The following EFR3A variants were observed in gnomAD, a reference collection of about 807,000 sequenced individuals.
The protein encoded by EFR3A is protein EFR3 homolog A.
Under a neutral mutation model 104.4 loss-of-function variants are expected in EFR3A, and 76 were observed. The ratio of observed to expected loss-of-function variants is 0.73; its 90% CI spans 0.60 to 0.88. EFR3A has a LOEUF of 0.88. EFR3A is among the 40% of genes least tolerant of loss of function. The pLI, the probability that EFR3A is intolerant of heterozygous loss-of-function variation, is 0.00. For missense variants in EFR3A, 985 were observed against 1,012.5 expected, an observed-to-expected ratio of 0.97 and a Z score of 0.37; for synonymous variants, 330 against 330.0, an observed-to-expected ratio of 1.00 and a Z score of 0.00.
At chr8:131,964,658 T>C (rs376958456) in intron 8 of EFR3A, among the ~76,000 whole-genome samples, 8 of 152,274 alleles carry the variant, frequency 5.3e-5, no homozygotes, top group African/African-American at 1.7e-4. Flanking sequence ...AGGTAATTTA[T>C]AGATTCAATG....
chr8:131,910,134 G>A (rs1020480582), intron 1 of EFR3A, among the ~76,000 whole-genome samples: 11 of 152,200 alleles, frequency 7.2e-5, no homozygotes, highest in Non-Finnish European at 1.2e-4. Flanking sequence ...ATAGTTCCAA[G>A]CATCTCCCAG....
At chr8:131,926,572 C>T (rs1164063546) in intron 1 of EFR3A, among the ~76,000 whole-genome samples, 1 of 151,982 alleles carries the variant, frequency 6.6e-6, no homozygotes, top group Non-Finnish European at 1.5e-5. Flanking sequence ...AACTTATTTA[C>T]TTTATAGCTC....
chr8:131,985,573 C>T (rs1820830725), intron 16 of EFR3A, among the ~76,000 whole-genome samples: 1 of 152,120 alleles, frequency 6.6e-6, no homozygotes, highest in African/African-American at 2.4e-5. Flanking sequence ...AGAAAAAGTC[C>T]ACTTTTAAAG....
In EFR3A at chr8:131,920,954, A is replaced by G. The variant is rs556101699; in HGVS notation, c.10+16632A>G. 3.9e-5 allele frequency among the ~76,000 whole-genome samples: 6 copies of G among 152,328 alleles called. No homozygotes were observed. The East Asian group carries it at 1.2e-3, about 29-fold the overall frequency. ...AAATACATTTTGAAAGAATCAGACTAGTAGATGAGGGATAGATAGGAGCAG... is the reference window on the plus strand; with the variant it reads ...AAATACATTTTGAAAGAATCAGACTGGTAGATGAGGGATAGATAGGAGCAG... On this transcript the variant is annotated intron_variant, in intron 1 of 22. Transcript: ENST00000254624.
At chr8:131,995,604 T>G (rs550215004) in intron 18 of EFR3A, among the ~76,000 whole-genome samples, 1 of 152,328 alleles carries the variant, frequency 6.6e-6, no homozygotes, top group South Asian at 2.1e-4. Context: ...GGGCTAGGAA[T>G]AGCTTTTGAA....
chr8:131,927,143 G>A (rs1563631561), intron 1 of EFR3A, among the ~76,000 whole-genome samples: 1 of 152,154 alleles, frequency 6.6e-6, no homozygotes, highest in Non-Finnish European at 1.5e-5. Context: ...AACCCAAATG[G>A]TAATGGTTGT....
At chr8:131,933,230 G>T (rs926714432) in intron 1 of EFR3A, among the ~76,000 whole-genome samples, 1 of 152,028 alleles carries the variant, frequency 6.6e-6, no homozygotes, top group African/African-American at 2.4e-5. Flanking sequence ...TGGGACACCG[G>T]GGCGGTATAG....
chr8:131,966,069 G>A (rs1385383410), intron 8 of EFR3A, among the ~76,000 whole-genome samples: 1 of 152,120 alleles, frequency 6.6e-6, no homozygotes, highest in Non-Finnish European at 1.5e-5. Flanking sequence ...TGTGGGGTGG[G>A]GTGAGGGGGA....
intron 3 of EFR3A, 44 bp downstream of exon 3, chr8:131,944,916 C>A: frequency 6.3e-7 from 1 of 1,584,196 alleles, no homozygotes; most frequent in Non-Finnish European, 8.6e-7. Context: ...TTGGAAAATT[C>A]TTTCTAGACT....
rs1223547077 is a variant in EFR3A, at chr8:131,985,052, G to A, written c.1861G>A (p.Val621Ile). 1.2e-6 allele frequency: 2 copies of A among 1,613,100 alleles called. No homozygotes were observed. Among genetic ancestry groups the A allele is most frequent in the African/African-American group, 1.3e-5 (1 of 74,992 alleles). The change falls in exon 16 of 23, where the codon GTT becomes ATT. Residue 621 changes from valine (V) to isoleucine (I), a missense_variant. Val to Ile is a conservative substitution (Grantham distance 29). Coordinates refer to ENST00000254624, the MANE Select transcript of EFR3A (RefSeq NM_015137.6). ...MIAVPAFCQHVSKVIEIRTME... is the reference protein window; with the variant it reads ...MIAVPAFCQHISKVIEIRTME... ...AGCTGTCCCTGCATTTTGCCAGCAT[G>A]TTAGCAAGGTAATGTATTTAGAAAA...
chr8:131,924,527 T>C (rs1006075144), intron 1 of EFR3A, among the ~76,000 whole-genome samples: 1 of 152,150 alleles, frequency 6.6e-6, no homozygotes, highest in Non-Finnish European at 1.5e-5. Flanking sequence ...TACTGCTAAC[T>C]TATCTTTCTG....
chr8:131,938,898 G>A (rs1267135144), intron 1 of EFR3A, among the ~76,000 whole-genome samples: 1 of 152,078 alleles, frequency 6.6e-6, no homozygotes, highest in Non-Finnish European at 1.5e-5. Flanking sequence ...AGTGAATAAT[G>A]TTGTAACATC....
intron 18 of EFR3A, among the ~76,000 whole-genome samples, chr8:131,994,286 A>G (rs1554606260): frequency 6.6e-6 from 1 of 151,392 alleles, no homozygotes; most frequent in Non-Finnish European, 1.5e-5. Flanking sequence ...AAGTGTTGCC[A>G]CATGATACAG....
intron 1 of EFR3A, among the ~76,000 whole-genome samples, chr8:131,937,138 G>A (rs1320045298): frequency 6.6e-6 from 1 of 152,032 alleles, no homozygotes; most frequent in Non-Finnish European, 1.5e-5. Context: ...AAGACTATCA[G>A]AAGCTATTTG....
In EFR3A at chr8:132,003,401, A is replaced by AT. The variant is rs1331598979; in HGVS notation, c.2360+119dup. 203 of 957,042 alleles carry AT rather than the reference A, an allele frequency of 2.1e-4. 2 individuals are homozygous for AT. The highest frequency in any genetic ancestry group is 1.5e-3 in the Middle Eastern group (7 of 4,568). 59.3% of individuals were successfully genotyped at this position (957,042 alleles called of 1,614,324 possible). On this transcript the variant is annotated intron_variant, in intron 22 of 22. Transcript: ENST00000254624. ...TTATCATGTTAAAGTAATGCTTTTC[A>AT]TTTAGGATTAACATAAGATCATATA...
intron 1 of EFR3A, among the ~76,000 whole-genome samples, chr8:131,920,049 C>A (rs892600739): frequency 6.6e-6 from 1 of 152,082 alleles, no homozygotes; most frequent in Admixed American, 6.5e-5. Flanking sequence ...TAAAAAGGGG[C>A]CTTAGCTTCA....
In EFR3A at chr8:131,955,749, A is replaced by G; in HGVS notation, c.639-19A>G. The G allele has an allele frequency of 6.3e-7, 1 of 1,591,306 alleles. No individual in the cohort carries two copies. The highest frequency in any genetic ancestry group is 1.7e-4 in the Middle Eastern group (1 of 5,934). ...TATTAAAATTCTTGTGTTTTTCTTT[A>G]TTTCTCGTTCCTTTTTAGTCGCATA... On this transcript the variant is annotated intron_variant, in intron 6 of 22. Coordinates refer to ENST00000254624, the MANE Select transcript of EFR3A (RefSeq NM_015137.6).
chr8:131,950,039 G>A lies in EFR3A; in HGVS notation c.437G>A (p.Arg146Gln), dbSNP rs1251001426. The A allele has an allele frequency of 3.7e-6, 6 of 1,608,076 alleles. No individual in the cohort carries two copies. The highest frequency in any genetic ancestry group is 1.7e-5 in the Admixed American group (1 of 59,048). ...YHRRYDFFVSRFSAMCHSCHS... is the reference protein window; with the variant it reads ...YHRRYDFFVSQFSAMCHSCHS... ...AGACGTTATGACTTTTTTGTGTCTCGATTCAGTGCCATGTGCCATTCCTGT... is the reference window on the plus strand; with the variant it reads ...AGACGTTATGACTTTTTTGTGTCTCAATTCAGTGCCATGTGCCATTCCTGT... Residue 146 changes from arginine (R) to glutamine (Q), a missense_variant, in exon 5 of 23, where the codon CGA (arginine) becomes CAA (glutamine). Physicochemically the swap from Arg to Gln is conservative, Grantham distance 43 (BLOSUM62 1). Coordinates refer to ENST00000254624, the MANE Select transcript of EFR3A (RefSeq NM_015137.6).
At chr8:131,913,629 T>C (rs1359396296) in intron 1 of EFR3A, among the ~76,000 whole-genome samples, 1 of 152,218 alleles carries the variant, frequency 6.6e-6, no homozygotes, top group Non-Finnish European at 1.5e-5. Context: ...TTTATTGTTA[T>C]TACCTGAACT....
Sources: gnomAD v4.1 joint callset for allele counts (sites outside exome capture counted in the v4.1 genomes callset) on GRCh38, gnomAD v4.1.1 for gene constraint, MANE v1.5 for transcripts, NCBI Gene and HGNC (gene_info 2026-07-23, HGNC 2026-07-21) for gene names.